The following PAX7 variants were observed in gnomAD, a reference collection of about 807,000 sequenced individuals.
PAX7 encodes the protein paired box 7.
In PAX7, 18 loss-of-function variants were observed where a neutral mutation model predicts 50.7. The observed-to-expected ratio is 0.36, with a 90% CI of 0.25 to 0.53. PAX7 has a LOEUF of 0.53. Among genes scored for constraint, PAX7 ranks in the 20% least tolerant of loss-of-function variants. PAX7 has a pLI of 0.93. For synonymous variants in PAX7, 310 were observed against 290.4 expected, an observed-to-expected ratio of 1.07 and a Z score of -0.69; for missense variants, 644 against 702.9, an observed-to-expected ratio of 0.92 and a Z score of 0.95.
Position 18,735,716 on chromosome 1 carries a change from G to T in PAX7, c.1240G>T (p.Asp414Tyr). ...FSISPLHGGL[D>Y]SATSISASCS... ...CATCTCCCCGCTGCATGGCGGCCTGGACTCGGCCACCTCCATCTCAGCCAG... is the reference window on the plus strand; with the variant it reads ...CATCTCCCCGCTGCATGGCGGCCTGTACTCGGCCACCTCCATCTCAGCCAG... Residue 414 changes from aspartate to tyrosine, a missense_variant, in exon 8 of 9, where the codon GAC (aspartate) becomes TAC (tyrosine). Asp to Tyr is a radical substitution (Grantham distance 160). Transcript: ENST00000420770. This position sits in a 1 kb window ranked among gnomAD's most constrained non-coding sequence, Gnocchi z 4.0. 6.2e-7 allele frequency: 1 copy of T among 1,614,062 alleles called. No individual in the cohort carries two copies. The highest frequency in any genetic ancestry group is 8.5e-7 in the Non-Finnish European group (1 of 1,180,010).
At chr1:18,727,827 G>T (rs1308552364) in intron 7 of PAX7, among the ~76,000 whole-genome samples, 1 of 152,200 alleles carries the variant, frequency 6.6e-6, no homozygotes, top group East Asian at 1.9e-4. Context: ...TTCGGTGTGG[G>T]ATGCTGGTAG....
intron 4 of PAX7, among the ~76,000 whole-genome samples, chr1:18,657,518 C>T (rs1267637169): frequency 1.3e-5 from 2 of 152,174 alleles, no homozygotes; most frequent in Non-Finnish European, 2.9e-5. Flanking sequence ...CTTTCTGTCA[C>T]TCTTTCCTCC....
chr1:18,740,604 T>A (rs909851928), intron 8 of PAX7, among the ~76,000 whole-genome samples: 1 of 152,216 alleles, frequency 6.6e-6, no homozygotes, highest in Non-Finnish European at 1.5e-5. Context: ...CTCGCCTTGT[T>A]GTTCTGATTA....
chr1:18,635,344 GT>G lies in PAX7; in HGVS notation c.451+105del, dbSNP rs1476510299. 1.4e-4 allele frequency: 185 copies of G among 1,361,186 alleles called. 1 individual carries two copies. The South Asian group carries it at 2.5e-3, about 18-fold the overall frequency. 84.3% of individuals were successfully genotyped at this position (1,361,186 alleles called of 1,614,324 possible). A position where few individuals can be genotyped will look rare whatever the true frequency, so the allele number is the denominator to read the frequency against. On this transcript the variant is annotated intron_variant, in intron 3 of 8. Coordinates refer to ENST00000420770, the MANE Select transcript of PAX7 (RefSeq NM_001135254.2). ...AGGGGAGAGGAGATGATGGCTGACTGTGAACTTACTGAGAAGTTGGGAGGAA... is the reference window on the plus strand; with the variant it reads ...AGGGGAGAGGAGATGATGGCTGACTGGAACTTACTGAGAAGTTGGGAGGAA...
intron 5 of PAX7, among the ~76,000 whole-genome samples, chr1:18,698,159 A>G (rs1006143560): frequency 2.0e-5 from 3 of 152,016 alleles, no homozygotes; most frequent in African/African-American, 4.8e-5. Context: ...CACCCACCCA[A>G]GATGTTCGCC....
At chr1:18,679,064 T>C (rs1269573796) in intron 4 of PAX7, among the ~76,000 whole-genome samples, 1 of 152,156 alleles carries the variant, frequency 6.6e-6, no homozygotes, top group Non-Finnish European at 1.5e-5. Flanking sequence ...GGAAAGGTGC[T>C]TCGTAAGGTC....
In PAX7 at chr1:18,634,594, G is replaced by T. The variant is rs183073774; in HGVS notation, c.321+56G>T. ...TGGCTTCCTATAGTCGGGGGCTCCT[G>T]GTTGTGGCCCCTCTTACTACCTCGT... On this transcript the variant is annotated intron_variant, in intron 2 of 8. Coordinates refer to ENST00000420770, the MANE Select transcript of PAX7 (RefSeq NM_001135254.2). This position sits in a 1 kb window ranked among gnomAD's most constrained non-coding sequence, Gnocchi z 4.0. 493 of 1,472,938 alleles carry T rather than the reference G, an allele frequency of 3.3e-4. 5 individuals are homozygous for T. In the East Asian group the frequency reaches 7.2e-3, roughly 22 times the overall value. 91.2% of individuals were successfully genotyped at this position (1,472,938 alleles called of 1,614,324 possible). A position where few individuals can be genotyped will look rare whatever the true frequency, so the allele number is the denominator to read the frequency against.
intron 7 of PAX7, among the ~76,000 whole-genome samples, chr1:18,732,250 C>T (rs532848810): frequency 5.9e-5 from 9 of 152,288 alleles, no homozygotes; most frequent in African/African-American, 1.9e-4. Flanking sequence ...TTCCTTAGGC[C>T]GACAGCTCCA....
chr1:18,667,388 GAGAAAGGAAGGAAGGAAGGAAGGA>G (rs1464210967), intron 4 of PAX7, among the ~76,000 whole-genome samples: 90 of 115,620 alleles, frequency 7.8e-4, no homozygotes, highest in Admixed American at 1.2e-3. Flanking sequence ...GAGAAGGAAG[GAGAAAGGAAGGAAGGAAGGAAGGA>G]AGGAAGGAAG....
Position 18,631,210 on chromosome 1 carries a change from C to A in PAX7, c.-394C>A. 8.1e-6 allele frequency: 2 copies of A among 245,774 alleles called. No individual in the cohort carries two copies. The highest frequency in any genetic ancestry group is 1.6e-5 in the Non-Finnish European group (2 of 126,660). The allele number at this position is 245,774 out of a possible 1,614,324, so 15.2% of individuals were successfully genotyped here. ...GCGCTCGCCACTCTGAGGCTGGCGGCCTCGATTCCGGCCGCGTTCCCCCGG... is the reference window on the plus strand; with the variant it reads ...GCGCTCGCCACTCTGAGGCTGGCGGACTCGATTCCGGCCGCGTTCCCCCGG... On this transcript the variant is annotated 5_prime_UTR_variant, in exon 1 of 9. Coordinates refer to ENST00000420770, the MANE Select transcript of PAX7 (RefSeq NM_001135254.2).
At chr1:18,733,287 A>C (rs937544620) in intron 7 of PAX7, among the ~76,000 whole-genome samples, 1 of 152,124 alleles carries the variant, frequency 6.6e-6, no homozygotes, top group African/African-American at 2.4e-5. Context: ...GACCACAACA[A>C]AGATCTCAGA....
intron 4 of PAX7, among the ~76,000 whole-genome samples, chr1:18,670,335 C>A (rs2088725773): frequency 6.6e-6 from 1 of 152,112 alleles, no homozygotes; most frequent in East Asian, 1.9e-4. Flanking sequence ...CTGTTTCCAA[C>A]CCCCATCATG....
chr1:18,710,139 A>T (rs2089332381), intron 7 of PAX7, among the ~76,000 whole-genome samples: 1 of 152,196 alleles, frequency 6.6e-6, no homozygotes, highest in African/African-American at 2.4e-5. Context: ...TGCCTATCTG[A>T]AGTCATTCCA....
intron 7 of PAX7, among the ~76,000 whole-genome samples, chr1:18,704,629 A>T (rs966111093): frequency 6.6e-6 from 1 of 152,146 alleles, no homozygotes; most frequent in African/African-American, 2.4e-5. Context: ...CAAAAAGATA[A>T]ATAAATAAAT....
chr1:18,744,361 A>C (rs1453953793), intron 8 of PAX7, among the ~76,000 whole-genome samples: 1 of 151,354 alleles, frequency 6.6e-6, no homozygotes, highest in African/African-American at 2.4e-5. Context: ...AAAATGCATT[A>C]AACATATTTG....
At chr1:18,724,379 C>T (rs1456752551) in intron 7 of PAX7, among the ~76,000 whole-genome samples, 1 of 152,232 alleles carries the variant, frequency 6.6e-6, no homozygotes, top group Non-Finnish European at 1.5e-5. Context: ...TGTACACAGC[C>T]ACCATCAGCA....
intron 4 of PAX7, among the ~76,000 whole-genome samples, chr1:18,663,464 C>T (rs113908180): frequency 7.9e-5 from 12 of 152,326 alleles, no homozygotes; most frequent in African/African-American, 2.6e-4. Flanking sequence ...CTCATTGCAA[C>T]CTCTGCCTCC....
chr1:18,695,050 T>C (rs12760805), intron 5 of PAX7, among the ~76,000 whole-genome samples: 17,470 of 152,130 alleles, frequency 0.11, 1,089 homozygotes, highest in South Asian at 0.16. Context: ...ACCTGGCAGA[T>C]GGGTGGGTTA....
rs1269149611 is a variant in PAX7 at position 18,703,084 on chromosome 1, C to T, written c.953-10C>T. ...CACTTGCTTAGGACCTCTCTTGGGT[C>T]TCTCTACAGATGGGGGCAGCACTGT... On this transcript the variant is annotated splice_polypyrimidine_tract_variant and intron_variant, in intron 6 of 8. Coordinates refer to ENST00000420770, the MANE Select transcript of PAX7 (RefSeq NM_001135254.2). 4 of 1,611,974 alleles carry T rather than the reference C, an allele frequency of 2.5e-6. No homozygotes were observed. Among genetic ancestry groups the T allele is most frequent in the Non-Finnish European group, 3.4e-6 (4 of 1,178,728 alleles).
Sources: allele counts gnomAD v4.1 joint callset (sites outside exome capture counted in the v4.1 genomes callset), GRCh38; gene constraint gnomAD v4.1.1; non-coding constraint Gnocchi (gnomAD v3.1); transcripts MANE v1.5; gene names NCBI Gene and HGNC (gene_info 2026-07-23, HGNC 2026-07-21).